The following BAZ2B variants were observed in gnomAD, a reference collection of about 807,000 sequenced individuals.
BAZ2B encodes the protein bromodomain adjacent to zinc finger domain protein 2B.
BAZ2B carries 91 observed loss-of-function variants against 246.0 expected under a neutral mutation model. The ratio of observed to expected loss-of-function variants is 0.37; its 90% CI spans 0.31 to 0.44. The LOEUF is 0.44. Ranked by LOEUF, BAZ2B falls within the 20% of genes least tolerant of loss-of-function variation. The probability of loss-of-function intolerance (pLI) is 1.00; values close to 1 mark genes in which losing one functional copy is unlikely to be tolerated. For synonymous variants in BAZ2B, 855 were observed against 860.0 expected (o/e 0.99, Z 0.10); for missense variants, 2,332 against 2,533.7 (o/e 0.92, Z 1.71).
chr2:159,362,630 G>A (rs1005300273), intron 27 of BAZ2B, among the ~76,000 whole-genome samples: 8 of 152,124 alleles, frequency 5.3e-5, no homozygotes, highest in Admixed American at 3.3e-4. Context: ...ACAAAGTCCC[G>A]ATGTCATGGC....
intron 16 of BAZ2B, among the ~76,000 whole-genome samples, chr2:159,403,492 A>G (rs1053838110): frequency 1.3e-5 from 2 of 152,190 alleles, no homozygotes; most frequent in South Asian, 4.1e-4. Flanking sequence ...ATAAGCTATA[A>G]AACTTTTTCA....
chr2:159,597,203 T>C (rs183879748), intron 1 of BAZ2B, among the ~76,000 whole-genome samples: 295 of 152,354 alleles, frequency 1.9e-3, no homozygotes, highest in African/African-American at 6.7e-3. Context: ...CTTTTGAGAA[T>C]TGTCTACTCA....
chr2:159,484,699 G>C (rs1033307152), intron 2 of BAZ2B, among the ~76,000 whole-genome samples: 5 of 152,146 alleles, frequency 3.3e-5, no homozygotes. Context: ...ACTGACAGCT[G>C]GTAGGTGTAA....
chr2:159,426,720 C>T (rs961665722), intron 13 of BAZ2B, among the ~76,000 whole-genome samples: 3 of 152,050 alleles, frequency 2.0e-5, no homozygotes, highest in Non-Finnish European at 2.9e-5. Flanking sequence ...CAAAAGATTA[C>T]TTTTTCAGAA....
intron 33 of BAZ2B, 193 bp from the exon 34 acceptor site, chr2:159,332,879 A>G (rs1481478455): frequency 3.3e-6 from 2 of 604,454 alleles, no homozygotes; most frequent in Admixed American, 3.1e-5. Context: ...GAGCAGTTCT[A>G]TTGGGGTAAA....
chr2:159,439,923 T>C (rs997687279), intron 6 of BAZ2B, among the ~76,000 whole-genome samples: 2 of 152,124 alleles, frequency 1.3e-5, no homozygotes, highest in African/African-American at 4.8e-5. Context: ...TTTAAGACTC[T>C]GCAAGAAAAA....
intron 25 of BAZ2B, among the ~76,000 whole-genome samples, chr2:159,379,333 A>G (rs1305833335): frequency 6.6e-6 from 1 of 152,134 alleles, no homozygotes; most frequent in East Asian, 1.9e-4. Context: ...AGGGGCTGGG[A>G]GGACAGGGAA....
chr2:159,600,016 A>C (rs1254075014), intron 1 of BAZ2B, among the ~76,000 whole-genome samples: 1 of 152,110 alleles, frequency 6.6e-6, no homozygotes, highest in Non-Finnish European at 1.5e-5. Context: ...AGTAGGTAAA[A>C]TCTCGTAGAA....
chr2:159,503,412 T>G (rs1318671144), intron 2 of BAZ2B, among the ~76,000 whole-genome samples: 3 of 152,204 alleles, frequency 2.0e-5, no homozygotes, highest in East Asian at 1.9e-4. Flanking sequence ...GCCTTACTCC[T>G]ACATATACTC....
chr2:159,319,035 C>T lies in BAZ2B; in HGVS notation c.*1230G>A, dbSNP rs2062408246. 1.3e-5 allele frequency: 2 copies of T among 152,500 alleles called. No homozygotes were observed. Among genetic ancestry groups the T allele is most frequent in the African/African-American group, 4.8e-5 (2 of 41,398 alleles). 9.4% of individuals were successfully genotyped at this position (152,500 alleles called of 1,614,324 possible). Reference sequence around the variant, plus strand: ...GCCACACATAGTGAAAAATAACACTCCTAAAAAAAGAATGCTACCTTTTCC... The same window carrying T: ...GCCACACATAGTGAAAAATAACACTTCTAAAAAAAGAATGCTACCTTTTCC... On this transcript the variant is annotated 3_prime_UTR_variant, in exon 37 of 37. Transcript: ENST00000392783. This position sits in a 1 kb window ranked among gnomAD's most constrained non-coding sequence, Gnocchi z 4.0.
At chr2:159,395,635 A>G in intron 20 of BAZ2B, 134 bp downstream of exon 20, 1 of 674,248 alleles carries the variant, frequency 1.5e-6, no homozygotes, top group Non-Finnish European at 2.4e-6. Flanking sequence ...CTATCTCTAA[A>G]CTTTTGGTTT....
upstream of BAZ2B, among the ~76,000 whole-genome samples, chr2:159,621,486 G>T (rs907948964): frequency 1.3e-5 from 2 of 152,136 alleles, no homozygotes; most frequent in African/African-American, 4.8e-5. Flanking sequence ...TTTGCCAGGG[G>T]TGGAGGGGAC....
the BAZ2B span, among the ~76,000 whole-genome samples, chr2:159,653,879 T>TA: frequency 2.6e-5 from 4 of 152,194 alleles, no homozygotes; most frequent in Non-Finnish European, 5.9e-5. Context: ...AATACTAATT[T>TA]AACCTCTGTA....
chr2:159,527,990 A>G (rs988486925), intron 2 of BAZ2B, among the ~76,000 whole-genome samples: 10 of 152,206 alleles, frequency 6.6e-5, no homozygotes, highest in African/African-American at 2.4e-4. Context: ...TCTTGCTTTA[A>G]GGAAGTATAA....
the BAZ2B span, among the ~76,000 whole-genome samples, chr2:159,642,912 A>T: frequency 6.6e-6 from 1 of 152,144 alleles, no homozygotes; most frequent in Non-Finnish European, 1.5e-5. Flanking sequence ...AGTTATCTTG[A>T]AACTTTTTTG....
chr2:159,336,546 A>G (rs1488612413), intron 33 of BAZ2B, among the ~76,000 whole-genome samples: 1 of 152,240 alleles, frequency 6.6e-6, no homozygotes, highest in Non-Finnish European at 1.5e-5. Flanking sequence ...TGCTTCTTAG[A>G]ATTAAAAAAT....
chr2:159,437,304 A>C (rs1052194519), intron 8 of BAZ2B: 8 of 152,236 alleles, frequency 5.3e-5, no homozygotes, highest in African/African-American at 1.9e-4. Flanking sequence ...AGCAAGAAAA[A>C]CAAAGATGAG....
chr2:159,699,197 T>G, the BAZ2B span, among the ~76,000 whole-genome samples: 1 of 152,178 alleles, frequency 6.6e-6, no homozygotes, highest in Non-Finnish European at 1.5e-5. Flanking sequence ...AGTTTTTGGA[T>G]TGTATAGAAA....
intron 1 of BAZ2B, among the ~76,000 whole-genome samples, chr2:159,576,689 G>A (rs1190256468): frequency 7.2e-6 from 1 of 139,656 alleles, no homozygotes; most frequent in Non-Finnish European, 1.6e-5. Flanking sequence ...TGAGGCAGGT[G>A]GATCACGAGG....
Sources: gnomAD v4.1 joint callset for allele counts (sites outside exome capture counted in the v4.1 genomes callset) on GRCh38, gnomAD v4.1.1 for gene constraint, Gnocchi (gnomAD v3.1) non-coding constraint, MANE v1.5 for transcripts, NCBI Gene and HGNC (gene_info 2026-07-23, HGNC 2026-07-21) for gene names.